LRRTM4: variants seen among roughly 807,000 people sequenced by gnomAD.
LRRTM4 encodes leucine rich repeat transmembrane neuronal 4, also known as leucine-rich repeat transmembrane neuronal protein 4.
In LRRTM4, 25 loss-of-function variants were observed where a neutral mutation model predicts 47.6. The ratio of observed to expected loss-of-function variants is 0.53; its 90% CI spans 0.38 to 0.73. LRRTM4 has a LOEUF of 0.73. LRRTM4 is among the 30% of genes least tolerant of loss of function. The pLI is 0.00. For missense variants in LRRTM4, 638 were observed against 713.4 expected, an observed-to-expected ratio of 0.89 and a Z score of 1.20; for synonymous variants, 311 against 269.5, an observed-to-expected ratio of 1.15 and a Z score of -1.51.
chr2:76,967,990 C>T (rs1159353862), intron 3 of LRRTM4, among the ~76,000 whole-genome samples: 5 of 151,086 alleles, frequency 3.3e-5, no homozygotes, highest in Non-Finnish European at 7.4e-5. Flanking sequence ...GACAAATGAA[C>T]ATTATTGTTC....
intron 3 of LRRTM4, among the ~76,000 whole-genome samples, chr2:76,880,657 C>T (rs1672903611): frequency 6.6e-6 from 1 of 152,134 alleles, no homozygotes; most frequent in African/African-American, 2.4e-5. Flanking sequence ...CAAAAAACCT[C>T]TGTGGGGCCA....
chr2:76,976,974 C>T (rs1676442167), intron 3 of LRRTM4, among the ~76,000 whole-genome samples: 3 of 150,480 alleles, frequency 2.0e-5, no homozygotes, highest in African/African-American at 7.4e-5. Context: ...CATTATGTGT[C>T]AACTAAAATT....
intron 3 of LRRTM4, among the ~76,000 whole-genome samples, chr2:76,981,509 G>T (rs2103967056): frequency 6.6e-6 from 1 of 152,122 alleles, no homozygotes; most frequent in Non-Finnish European, 1.5e-5. Context: ...TTTCTGTTTT[G>T]TTTTGGATAG....
intron 3 of LRRTM4, among the ~76,000 whole-genome samples, chr2:77,089,978 G>C (rs931225241): frequency 2.0e-5 from 3 of 152,026 alleles, no homozygotes; most frequent in Admixed American, 6.5e-5. Context: ...TGTCCCCTCA[G>C]TACTAACCCC....
chr2:77,342,588 G>A lies in LRRTM4; in HGVS notation c.1551+175730C>T, dbSNP rs138639326. Among the ~76,000 whole-genome samples the A allele has an allele frequency of 1.6e-4, 24 of 151,932 alleles. No individual in the cohort carries two copies. In the East Asian group the frequency reaches 4.6e-3, roughly 29 times the overall value. On this transcript the variant is annotated intron_variant, in intron 3 of 3. Transcript: ENST00000409884. Reference sequence around the variant, plus strand: ...AACACAGATTCTTCATGGGAAAATAGAAATAAAATTACTTAATTTGGAGAA... The same window carrying A: ...AACACAGATTCTTCATGGGAAAATAAAAATAAAATTACTTAATTTGGAGAA...
chr2:76,974,460 TATA>T (rs1166812477), intron 3 of LRRTM4, among the ~76,000 whole-genome samples: 1 of 151,032 alleles, frequency 6.6e-6, no homozygotes, highest in Non-Finnish European at 1.5e-5. Flanking sequence ...TGGAACATTT[TATA>T]ATATTAACTA....
At chr2:76,850,713 ATGTG>A (rs991882727) in intron 3 of LRRTM4, among the ~76,000 whole-genome samples, 8 of 152,152 alleles carry the variant, frequency 5.3e-5, no homozygotes, top group South Asian at 2.1e-4. Flanking sequence ...TCTGATATGT[ATGTG>A]TGTGTATTCA....
At chr2:77,285,710 C>A (rs1211040626) in intron 3 of LRRTM4, among the ~76,000 whole-genome samples, 1 of 151,754 alleles carries the variant, frequency 6.6e-6, no homozygotes, top group Non-Finnish European at 1.5e-5. Context: ...CCATTGCACT[C>A]CAGCCTGGGT....
At chr2:77,122,501 TAC>T (rs955476482) in intron 3 of LRRTM4, among the ~76,000 whole-genome samples, 1 of 149,948 alleles carries the variant, frequency 6.7e-6, no homozygotes, top group African/African-American at 2.4e-5. Context: ...ATACTATATA[TAC>T]ACACACATAT....
At chr2:76,884,389 C>G (rs1449764622) in intron 3 of LRRTM4, among the ~76,000 whole-genome samples, 1 of 152,064 alleles carries the variant, frequency 6.6e-6, no homozygotes, top group Non-Finnish European at 1.5e-5. Context: ...TTTTCACACA[C>G]AAAAATTATA....
chr2:77,420,694 T>A (rs1053801466), intron 3 of LRRTM4, among the ~76,000 whole-genome samples: 3 of 150,226 alleles, frequency 2.0e-5, no homozygotes, highest in South Asian at 2.1e-4. Context: ...GTCTTTTTTT[T>A]ACTAGGAAAT....
At chr2:76,922,859 G>C (rs769246804) in intron 3 of LRRTM4, among the ~76,000 whole-genome samples, 3 of 151,998 alleles carry the variant, frequency 2.0e-5, no homozygotes, top group Admixed American at 1.3e-4. Flanking sequence ...GCAGAGACAA[G>C]GCTAGATTGA....
At chr2:76,798,823 C>A (rs1481297685) in intron 3 of LRRTM4, among the ~76,000 whole-genome samples, 4 of 152,072 alleles carry the variant, frequency 2.6e-5, no homozygotes, top group African/African-American at 7.3e-5. Context: ...CTACAAACAC[C>A]TCTACGCAAA....
intron 3 of LRRTM4, among the ~76,000 whole-genome samples, chr2:77,143,909 A>G (rs1338337007): frequency 6.6e-6 from 1 of 152,244 alleles, no homozygotes; most frequent in Admixed American, 6.5e-5. Context: ...ACACACAGAC[A>G]AAATACACTG....
intron 3 of LRRTM4, among the ~76,000 whole-genome samples, chr2:76,971,230 T>C (rs1676209576): frequency 6.6e-6 from 1 of 152,042 alleles, no homozygotes; most frequent in Admixed American, 6.6e-5. Flanking sequence ...CATCAGCCCG[T>C]CTGTAGTTTG....
At chr2:76,865,212 G>A (rs981034083) in intron 3 of LRRTM4, among the ~76,000 whole-genome samples, 20 of 151,984 alleles carry the variant, frequency 1.3e-4, no homozygotes, top group African/African-American at 4.8e-4. Flanking sequence ...GGGCTCCATA[G>A]GCAGAAATCA....
intron 3 of LRRTM4, among the ~76,000 whole-genome samples, chr2:76,770,105 T>C (rs909612427): frequency 3.3e-5 from 5 of 152,168 alleles, no homozygotes; most frequent in African/African-American, 1.2e-4. Flanking sequence ...TGAAAGTCAA[T>C]TGACTAGTTA....
At chr2:77,134,082 A>G (rs1226057392) in intron 3 of LRRTM4, among the ~76,000 whole-genome samples, 1 of 152,146 alleles carries the variant, frequency 6.6e-6, no homozygotes, top group East Asian at 1.9e-4. Flanking sequence ...ACACATCCAT[A>G]TCTACTTATC....
rs189291746 is a variant in LRRTM4, at chr2:76,783,821, G to A, written c.1552-34905C>T. The stretch of plus-strand genomic sequence containing the variant: ...AGTAAAAAAGAAATTCAGCAGTGCC[G>A]TATATTTTAATTGCAATGTTAATTC... On this transcript the variant is annotated intron_variant, in intron 3 of 3. Coordinates refer to ENST00000409884, the MANE Select transcript of LRRTM4 (RefSeq NM_001134745.3). Among the ~76,000 whole-genome samples, 448 of 152,112 alleles carry A rather than the reference G, an allele frequency of 2.9e-3. 2 individuals carry two copies. Among genetic ancestry groups the A allele is most frequent in the African/African-American group, 9.7e-3 (404 of 41,524 alleles).
Sources: allele counts gnomAD v4.1 joint callset (sites outside exome capture counted in the v4.1 genomes callset), GRCh38; gene constraint gnomAD v4.1.1; transcripts MANE v1.5; gene names NCBI Gene and HGNC (gene_info 2026-07-23, HGNC 2026-07-21).